Variants in CSPG5 observed in about 807,000 individuals in gnomAD.
CSPG5 encodes the protein chondroitin sulfate proteoglycan 5.
Under a neutral mutation model 39.8 loss-of-function variants are expected in CSPG5, and 25 were observed. The observed-to-expected ratio is 0.63, with a 90% CI of 0.46 to 0.88. CSPG5 has a LOEUF of 0.88. CSPG5 is among the 40% of genes least tolerant of loss of function. CSPG5 has a pLI of 0.00. For synonymous variants in CSPG5, 295 were observed against 303.9 expected (o/e 0.97, Z 0.31); for missense variants, 627 against 702.2 (o/e 0.89, Z 1.21).
At chr3:47,570,163 G>A (rs369483250) in intron 3 of CSPG5, among the ~76,000 whole-genome samples, 1 of 152,082 alleles carries the variant, frequency 6.6e-6, no homozygotes, top group African/African-American at 2.4e-5. Flanking sequence ...TGTGTGTCAT[G>A]GTAGTTGGCT....
chr3:47,567,068 C>G (rs549443949), intron 4 of CSPG5, among the ~76,000 whole-genome samples: 1 of 152,130 alleles, frequency 6.6e-6, no homozygotes, highest in African/African-American at 2.4e-5. Context: ...TGTAGCCAAG[C>G]CCTCCAAGAG....
In CSPG5 at chr3:47,576,979, G is replaced by A. The variant is rs891524399; in HGVS notation, c.1047C>T (p.Asp349=). ...LRPRPGEPGR[D]LASSENGTEC... Reference sequence around the variant, plus strand: ...CAGTGCCATTTTCACTGGAGGCCAAGTCCCTGCCTGGCTCTCCTGGGCGGG... The same window carrying A: ...CAGTGCCATTTTCACTGGAGGCCAAATCCCTGCCTGGCTCTCCTGGGCGGG... The change falls in exon 2 of 5, where the codon GAC becomes GAT. Residue 349 remains aspartate (D), a synonymous_variant. Transcript: ENST00000264723. 6.2e-6 allele frequency: 10 copies of A among 1,613,680 alleles called. No homozygotes were observed. In the Admixed American group the frequency reaches 1.3e-4, roughly 22 times the overall value.
rs1292907480 is a variant in CSPG5, at chr3:47,576,961, A to G, written c.1065T>C (p.Asn355=). 1.2e-6 allele frequency: 2 copies of G among 1,613,784 alleles called. No homozygotes were observed. The highest frequency in any genetic ancestry group is 1.7e-6 in the Non-Finnish European group (2 of 1,179,842). Residue 355 remains asparagine (N), a synonymous_variant, in exon 2 of 5, where the codon AAT becomes AAC. Transcript: ENST00000264723. ...CAAAGCCACTGCGGCACTCAGTGCC[A>G]TTTTCACTGGAGGCCAAGTCCCTGC... is the stretch of plus-strand genomic sequence containing the variant. ...EPGRDLASSE[N]GTECRSGFVR... is the part of the protein sequence containing the mutation.
intron 4 of CSPG5, among the ~76,000 whole-genome samples, chr3:47,567,987 G>T (rs1250089489): frequency 6.6e-6 from 1 of 152,300 alleles, no homozygotes; most frequent in East Asian, 1.9e-4. Context: ...CTCTACAGCC[G>T]CAAGTGGCTA....
intron 4 of CSPG5, 43 bp from the exon 5 acceptor site, chr3:47,562,804 A>G: frequency 6.9e-7 from 1 of 1,457,260 alleles, no homozygotes; most frequent in Non-Finnish European, 9.5e-7. Flanking sequence ...CAATGCATAC[A>G]GCAACCAAAT....
intron 3 of CSPG5, among the ~76,000 whole-genome samples, chr3:47,570,041 G>A (rs879301830): frequency 4.6e-5 from 7 of 151,954 alleles, no homozygotes; most frequent in South Asian, 4.2e-4. Context: ...GAGCCACTGC[G>A]CCCAGTCAAA....
At chr3:47,576,798 C>T (rs2031755563) in intron 2 of CSPG5, 35 bp downstream of exon 2, 1 of 1,524,970 alleles carries the variant, frequency 6.6e-7, no homozygotes, top group Non-Finnish European at 8.8e-7. Flanking sequence ...ATACACTCTT[C>T]AGTGTCCCTA....
intron 4 of CSPG5, among the ~76,000 whole-genome samples, chr3:47,564,459 T>G (rs2031212398): frequency 6.6e-6 from 1 of 152,066 alleles, no homozygotes; most frequent in Non-Finnish European, 1.5e-5. Context: ...AGGAGGACAA[T>G]TTAGTAGAGT....
intron 4 of CSPG5, among the ~76,000 whole-genome samples, chr3:47,565,742 C>T (rs994700013): frequency 2.0e-5 from 3 of 152,076 alleles, no homozygotes; most frequent in Non-Finnish European, 2.9e-5. Context: ...ACTGAAATCC[C>T]GGAAGGTCTG....
chr3:47,573,176 G>A (rs1315085150), intron 2 of CSPG5, among the ~76,000 whole-genome samples: 3 of 152,164 alleles, frequency 2.0e-5, no homozygotes, highest in Non-Finnish European at 4.4e-5. Context: ...AGGAGGGAAG[G>A]GAATCCTGGT....
rs148549926 is a variant in CSPG5 at position 47,572,691 on chromosome 3, C to T, written c.1377G>A (p.Arg459=). The part of the protein sequence containing the change: ...LLKTENTKLR[R]TNKFRTPSEL... ...GGTGAGTGACACAGACTCACTTGGT[C>T]CTACGCAGCTTGGTATTCTCCGTCT... The change falls in exon 3 of 5, where the codon AGG becomes AGA. Residue 459 remains arginine (R), a synonymous_variant. Coordinates refer to ENST00000264723, the MANE Select transcript of CSPG5 (RefSeq NM_006574.4). The surrounding 1 kb of genome is among the most constrained non-coding windows in gnomAD (Gnocchi z 4.5). 7 of 1,613,730 alleles carry T rather than the reference C, an allele frequency of 4.3e-6. No homozygotes were observed. The African/African-American group carries it at 9.3e-5, about 22-fold the overall frequency.
chr3:47,570,601 C>G (rs2031492375), intron 3 of CSPG5, among the ~76,000 whole-genome samples: 1 of 151,750 alleles, frequency 6.6e-6, no homozygotes, highest in Non-Finnish European at 1.5e-5. Context: ...CCTCCACCTA[C>G]TGGGTTCAAG....
intron 2 of CSPG5, among the ~76,000 whole-genome samples, chr3:47,575,517 A>G (rs2031684483): frequency 6.6e-6 from 1 of 152,230 alleles, no homozygotes; most frequent in African/African-American, 2.4e-5. Context: ...GCTACAGACA[A>G]TGCCCTTAGG....
chr3:47,569,317 AT>A, intron 3 of CSPG5, 90 bp from the exon 4 acceptor site: 1 of 1,403,322 alleles, frequency 7.1e-7, no homozygotes, highest in Admixed American at 1.9e-5. Context: ...CAAATACTGT[AT>A]TTCGGCTGGG....
chr3:47,566,449 C>T (rs2031304077), intron 4 of CSPG5, among the ~76,000 whole-genome samples: 3 of 152,108 alleles, frequency 2.0e-5, no homozygotes, highest in Admixed American at 6.5e-5. Flanking sequence ...AAGTGGCAAC[C>T]GTGTTCATCG....
At position 47,578,050 on chromosome 3, in the gene CSPG5, A is replaced by G; in HGVS notation, c.98-122T>C. The G allele has an allele frequency of 1.5e-6, 2 of 1,298,028 alleles. No homozygotes were observed. The highest frequency in any genetic ancestry group is 2.0e-6 in the Non-Finnish European group (2 of 1,023,998). The allele number at this position is 1,298,028 out of a possible 1,614,324, so 80.4% of individuals were successfully genotyped here. A position where few individuals can be genotyped will look rare whatever the true frequency, so the allele number is the denominator to read the frequency against. ...GGTCAACCCAGACCTCGCCACCCTC[A>G]GACCCCACCGCCCCAGTGTGACCCC... is the stretch of plus-strand genomic sequence containing the variant. On this transcript the variant is annotated intron_variant, in intron 1 of 4. Transcript: ENST00000264723. This position sits in a 1 kb window ranked among gnomAD's most constrained non-coding sequence, Gnocchi z 6.0.
chr3:47,577,103 C>G lies in CSPG5; in HGVS notation c.923G>C (p.Gly308Ala), dbSNP rs201571337. ...NELLVPTGKP[G>A]LGPGTGQPTS... ...GGGCTGGCCTGTCCCGGGCCCCAGA[C>G]CAGGCTTCCCAGTGGGCACTAGAAG... Residue 308 changes from glycine (G) to alanine (A), a missense_variant, in exon 2 of 5, where the codon GGT becomes GCT. By Grantham distance (60) the Gly-to-Ala change is moderately conservative. Transcript: ENST00000264723. The surrounding 1 kb of genome is among the most constrained non-coding windows in gnomAD (Gnocchi z 4.7). The G allele has an allele frequency of 1.2e-6, 2 of 1,613,774 alleles. No homozygotes were observed. Among genetic ancestry groups the G allele is most frequent in the Non-Finnish European group, 1.7e-6 (2 of 1,180,048 alleles).
chr3:47,570,598 C>G (rs1317630355), intron 3 of CSPG5, among the ~76,000 whole-genome samples: 1 of 152,006 alleles, frequency 6.6e-6, no homozygotes, highest in African/African-American at 2.4e-5. Flanking sequence ...CAACCTCCAC[C>G]TACTGGGTTC....
rs896435109 is a variant in CSPG5 at position 47,577,926 on chromosome 3, G to A, written c.100C>T (p.Arg34Cys). ...GCCTCAACCGCGCTGCCCGCCTCAC[G>A]CGCTGCGGGCGGGAGGGCAAGGGGC... ...LVLASGAVPA[R>C]EAGSAVEAEE... Residue 34 changes from arginine (R) to cysteine (C), a missense_variant and splice_region_variant, in exon 2 of 5, where the codon CGT (arginine) becomes TGT (cysteine). Coordinates refer to ENST00000264723, the MANE Select transcript of CSPG5 (RefSeq NM_006574.4). This position sits in a 1 kb window ranked among gnomAD's most constrained non-coding sequence, Gnocchi z 4.7. The A allele has an allele frequency of 7.0e-7, 1 of 1,427,382 alleles. No individual in the cohort carries two copies. Among genetic ancestry groups the A allele is most frequent in the East Asian group, 2.8e-5 (1 of 36,332 alleles). 88.4% of individuals were successfully genotyped at this position (1,427,382 alleles called of 1,614,324 possible).
Sources: allele counts gnomAD v4.1 joint callset (sites outside exome capture counted in the v4.1 genomes callset), GRCh38; gene constraint gnomAD v4.1.1; non-coding constraint Gnocchi (gnomAD v3.1); transcripts MANE v1.5; gene names NCBI Gene and HGNC (gene_info 2026-07-23, HGNC 2026-07-21).